OCA2: variants seen among roughly 807,000 people sequenced by gnomAD.
OCA2 encodes OCA2 melanosomal transmembrane protein, also known as P protein.
In OCA2, 77 loss-of-function variants were observed where a neutral mutation model predicts 100.2. The observed-to-expected ratio is 0.77, with a 90% confidence interval of 0.64 to 0.93. The LOEUF is 0.93. Ranked by LOEUF, OCA2 falls within the 40% of genes least tolerant of loss-of-function variation. OCA2 has a pLI of 0.00. For missense variants in OCA2, 1,062 were observed against 1,089.1 expected (o/e 0.98, Z 0.35); for synonymous variants, 432 against 439.2 (o/e 0.98, Z 0.21).
chr15:27,919,008 G>A (rs2038767362), intron 19 of OCA2, among the ~76,000 whole-genome samples: 1 of 152,002 alleles, frequency 6.6e-6, no homozygotes, highest in African/African-American at 2.4e-5. Context: ...CTATAAAGAA[G>A]ATATACAGAA....
intron 1 of OCA2, among the ~76,000 whole-genome samples, chr15:28,096,952 CG>C (rs1291285273): frequency 4.6e-5 from 7 of 152,106 alleles, no homozygotes; most frequent in African/African-American, 1.7e-4. Flanking sequence ...GCTCCCAGCC[CG>C]GGGCCAGGAC....
chr15:27,957,196 T>G lies in OCA2; in HGVS notation c.1784+392A>C, dbSNP rs921179594. ...TTCTTGCAGGTGCCTGAAAATCAACTGCTGGCAGAATATTTTGTCAAATTA... is the reference window on the plus strand; with the variant it reads ...TTCTTGCAGGTGCCTGAAAATCAACGGCTGGCAGAATATTTTGTCAAATTA... On this transcript the variant is annotated intron_variant, in intron 16 of 23. Coordinates refer to ENST00000354638, the MANE Select transcript of OCA2 (RefSeq NM_000275.3). The surrounding 1 kb of genome is among the most constrained non-coding windows in gnomAD (Gnocchi z 4.3). 6.6e-6 allele frequency among the ~76,000 whole-genome samples: 1 copy of G among 152,228 alleles called. No homozygotes were observed. The highest frequency in any genetic ancestry group is 1.5e-5 in the Non-Finnish European group (1 of 68,034).
chr15:28,039,994 T>C (rs927479741), intron 2 of OCA2, among the ~76,000 whole-genome samples: 1 of 149,024 alleles, frequency 6.7e-6, no homozygotes, highest in South Asian at 2.1e-4. Context: ...ATTGTGCCAC[T>C]GCACTCCAGC....
chr15:27,749,585 A>C, the OCA2 span, among the ~76,000 whole-genome samples: 72,737 of 151,854 alleles, frequency 0.48, 18,569 homozygotes, highest in African/African-American at 0.62. Context: ...GATCTATGTA[A>C]AAAATACCAA....
intron 19 of OCA2, among the ~76,000 whole-genome samples, chr15:27,913,470 T>C (rs894065631): frequency 6.6e-6 from 1 of 152,118 alleles, no homozygotes; most frequent in Non-Finnish European, 1.5e-5. Flanking sequence ...TCCAAAAATG[T>C]CTTGCTTGCT....
chr15:27,742,767 C>G, the OCA2 span, among the ~76,000 whole-genome samples: 1 of 152,166 alleles, frequency 6.6e-6, no homozygotes, highest in African/African-American at 2.4e-5. Flanking sequence ...CGAAATGATG[C>G]GTTAGTCCAC....
chr15:27,771,312 C>T (rs979297094), intron 23 of OCA2, among the ~76,000 whole-genome samples: 5 of 152,006 alleles, frequency 3.3e-5, no homozygotes, highest in African/African-American at 1.2e-4. Context: ...CTCCACGGCC[C>T]CAGCTCGGAG....
chr15:27,854,363 A>G (rs1595521458), intron 21 of OCA2, among the ~76,000 whole-genome samples: 1 of 152,242 alleles, frequency 6.6e-6, no homozygotes, highest in East Asian at 1.9e-4. Flanking sequence ...ACATGTCTCC[A>G]CCAGTCCAGG....
chr15:27,764,173 G>A (rs1049358178), intron 23 of OCA2, among the ~76,000 whole-genome samples: 1 of 151,608 alleles, frequency 6.6e-6, no homozygotes, highest in African/African-American at 2.4e-5. Flanking sequence ...AGGGAGACGG[G>A]GAGAGAGAAA....
At chr15:27,919,473 C>G (rs2038783493) in intron 19 of OCA2, among the ~76,000 whole-genome samples, 1 of 152,026 alleles carries the variant, frequency 6.6e-6, no homozygotes, top group Admixed American at 6.6e-5. Context: ...CATGAAAAGA[C>G]AAGAAGGAAA....
chr15:27,998,269 G>A (rs1461120344), intron 9 of OCA2, among the ~76,000 whole-genome samples: 2 of 87,818 alleles, frequency 2.3e-5, no homozygotes, highest in Admixed American at 2.0e-4. Flanking sequence ...GCAACCTATA[G>A]AATGGGAGAA....
chr15:28,064,735 T>C (rs2043972715), intron 2 of OCA2, among the ~76,000 whole-genome samples: 1 of 151,582 alleles, frequency 6.6e-6, no homozygotes, highest in Admixed American at 6.7e-5. Flanking sequence ...ATATTTAAGA[T>C]AGATGTTTTA....
chr15:27,927,206 T>C (rs1462241400), intron 18 of OCA2, among the ~76,000 whole-genome samples: 2 of 152,134 alleles, frequency 1.3e-5, no homozygotes, highest in Non-Finnish European at 2.9e-5. Context: ...GGAGAATTGC[T>C]TGAACCTGGG....
chr15:27,982,635 G>A (rs189181619), intron 14 of OCA2, among the ~76,000 whole-genome samples: 15 of 152,216 alleles, frequency 9.9e-5, no homozygotes, highest in East Asian at 1.9e-4. Flanking sequence ...GGAACACAGC[G>A]TTCAAATACA....
intron 19 of OCA2, among the ~76,000 whole-genome samples, chr15:27,914,991 A>G (rs1246174580): frequency 6.6e-6 from 1 of 152,206 alleles, no homozygotes; most frequent in Non-Finnish European, 1.5e-5. Flanking sequence ...TAACCAAAAC[A>G]TCATGGTAGT....
chr15:27,987,486 A>G (rs1003665543), intron 11 of OCA2, among the ~76,000 whole-genome samples: 6 of 151,908 alleles, frequency 3.9e-5, no homozygotes, highest in Admixed American at 2.0e-4. Flanking sequence ...TTGGGAGGCC[A>G]AGGCGGGCGG....
Position 28,032,179 on chromosome 15 carries a change from T to G in OCA2, c.228-16A>C. ...AGAGTGAGACCTGAAAGAGACAGGGTAGGAAACAGAATCACCAACACAGAA... is the reference window on the plus strand; with the variant it reads ...AGAGTGAGACCTGAAAGAGACAGGGGAGGAAACAGAATCACCAACACAGAA... On this transcript the variant is annotated splice_polypyrimidine_tract_variant and intron_variant, in intron 2 of 23. Transcript: ENST00000354638. The G allele has an allele frequency of 6.4e-7, 1 of 1,569,142 alleles. No homozygotes were observed. Among genetic ancestry groups the G allele is most frequent in the East Asian group, 2.2e-5 (1 of 44,620 alleles).
chr15:28,026,298 T>C (rs148178143), intron 4 of OCA2, among the ~76,000 whole-genome samples: 118 of 152,262 alleles, frequency 7.7e-4, no homozygotes, highest in African/African-American at 2.7e-3. Flanking sequence ...TATTTTTCCA[T>C]GTTGTGGGAC....
rs146259680 is a variant in OCA2, at chr15:27,843,105, T to C, written c.2432+1854A>G. On this transcript the variant is annotated intron_variant, in intron 23 of 23. Transcript: ENST00000354638. Reference sequence around the variant, plus strand: ...CATGCCTACTTGTGAGACCAACTGGTGTTGCAAAAAGCCATGCTTTTTGCT... The same window carrying C: ...CATGCCTACTTGTGAGACCAACTGGCGTTGCAAAAAGCCATGCTTTTTGCT... Among the ~76,000 whole-genome samples, 245 of 152,224 alleles carry C rather than the reference T, an allele frequency of 1.6e-3. 2 individuals carry two copies. Among genetic ancestry groups the C allele is most frequent in the African/African-American group, 5.5e-3 (227 of 41,524 alleles).
Sources: allele counts gnomAD v4.1 joint callset (sites outside exome capture counted in the v4.1 genomes callset), GRCh38; gene constraint gnomAD v4.1.1; non-coding constraint Gnocchi (gnomAD v3.1); transcripts MANE v1.5; gene names NCBI Gene and HGNC (gene_info 2026-07-23, HGNC 2026-07-21).